Variants in TNRC6B observed in about 807,000 individuals in gnomAD.
TNRC6B encodes the protein trinucleotide repeat-containing gene 6B protein.
In TNRC6B, 52 loss-of-function variants were observed where a neutral mutation model predicts 203.6. The ratio of observed to expected loss-of-function variants is 0.26; its 90% CI spans 0.20 to 0.32. The LOEUF is 0.32. Among genes scored for constraint, TNRC6B ranks in the 10% least tolerant of loss-of-function variants. The probability of loss-of-function intolerance (pLI) is 1.00; values close to 1 mark genes in which losing one functional copy is unlikely to be tolerated. For synonymous variants in TNRC6B, 838 were observed against 845.7 expected (o/e 0.99, Z 0.16); for missense variants, 1,923 against 2,286.2 (o/e 0.84, Z 3.24).
intron 1 of TNRC6B, among the ~76,000 whole-genome samples, chr22:40,108,344 C>G (rs1010268416): frequency 4.6e-5 from 7 of 152,216 alleles, no homozygotes; most frequent in Admixed American, 4.6e-4. Context: ...CTCTGAGATT[C>G]ACCACGGAGG....
intron 1 of TNRC6B, among the ~76,000 whole-genome samples, chr22:40,209,391 A>G (rs1393598197): frequency 6.6e-6 from 1 of 152,144 alleles, no homozygotes; most frequent in Non-Finnish European, 1.5e-5. Flanking sequence ...AAAGGCCCAA[A>G]CCTTTATCTC....
intron 1 of TNRC6B, among the ~76,000 whole-genome samples, chr22:40,083,799 A>T (rs575131854): frequency 6.6e-6 from 1 of 152,174 alleles, no homozygotes; most frequent in Admixed American, 6.5e-5. Flanking sequence ...AGGTTTATAC[A>T]ACTGGTCGTG....
At chr22:40,076,546 A>G (rs966478263) in intron 1 of TNRC6B, among the ~76,000 whole-genome samples, 1 of 152,076 alleles carries the variant, frequency 6.6e-6, no homozygotes, top group African/African-American at 2.4e-5. Flanking sequence ...TTTCTGTTGT[A>G]TTGTTAAAGA....
chr22:40,255,507 G>A (rs993266863), intron 3 of TNRC6B, among the ~76,000 whole-genome samples: 1 of 152,210 alleles, frequency 6.6e-6, no homozygotes, highest in Non-Finnish European at 1.5e-5. Context: ...CTCACACCTT[G>A]TAGAAACACT....
chr22:40,101,712 C>G (rs1295121393), intron 1 of TNRC6B, among the ~76,000 whole-genome samples: 1 of 152,162 alleles, frequency 6.6e-6, no homozygotes, highest in Non-Finnish European at 1.5e-5. Context: ...GGACAGGAAG[C>G]AAAGAGGCAT....
chr22:40,128,422 G>A (rs1601829090), intron 3 of TNRC6B, among the ~76,000 whole-genome samples: 1 of 152,106 alleles, frequency 6.6e-6, no homozygotes, highest in East Asian at 1.9e-4. Flanking sequence ...TAGGTTTTGA[G>A]GAAAAGTAGA....
chr22:40,160,476 CA>C (rs10668307), intron 4 of TNRC6B, among the ~76,000 whole-genome samples: 57 of 127,998 alleles, frequency 4.5e-4, no homozygotes, highest in Non-Finnish European at 4.9e-4. Context: ...AACTCCGTCT[CA>C]AAAAAAAAAA....
chr22:40,103,967 A>T (rs1233704374), intron 1 of TNRC6B, among the ~76,000 whole-genome samples: 1 of 150,196 alleles, frequency 6.7e-6, no homozygotes, highest in Non-Finnish European at 1.5e-5. Context: ...AAAGAAAAAA[A>T]GAAGGCTGGG....
At chr22:40,144,043 C>G (rs917306874) in intron 3 of TNRC6B, among the ~76,000 whole-genome samples, 2 of 152,154 alleles carry the variant, frequency 1.3e-5, no homozygotes, top group Admixed American at 6.5e-5. Context: ...ACCAAAATGA[C>G]TACAGTTCAA....
chr22:40,171,703 C>T (rs1455335796), intron 4 of TNRC6B, among the ~76,000 whole-genome samples: 1 of 152,156 alleles, frequency 6.6e-6, no homozygotes, highest in Non-Finnish European at 1.5e-5. Flanking sequence ...TGACTTTCCA[C>T]TATTCCAAAA....
chr22:40,232,531 G>C (rs1431733663), intron 1 of TNRC6B, among the ~76,000 whole-genome samples: 1 of 152,172 alleles, frequency 6.6e-6, no homozygotes, highest in Non-Finnish European at 1.5e-5. Flanking sequence ...GCTGCACTAA[G>C]TTTGAGTAGG....
chr22:40,237,566 G>A (rs2069964541), intron 1 of TNRC6B, among the ~76,000 whole-genome samples: 1 of 152,164 alleles, frequency 6.6e-6, no homozygotes, highest in Non-Finnish European at 1.5e-5. Context: ...GAAAACCAGA[G>A]AAGGTGTGGG....
At chr22:40,149,436 A>G (rs1437672646) in intron 3 of TNRC6B, among the ~76,000 whole-genome samples, 1 of 152,142 alleles carries the variant, frequency 6.6e-6, no homozygotes, top group African/African-American at 2.4e-5. Context: ...CGGGAGGCCA[A>G]GGCGGGCAAA....
At chr22:40,158,354 A>G (rs2068837215) in intron 4 of TNRC6B, among the ~76,000 whole-genome samples, 1 of 148,792 alleles carries the variant, frequency 6.7e-6, no homozygotes, top group African/African-American at 2.5e-5. Context: ...AAATAAATAA[A>G]TAAATAAATA....
intron 9 of TNRC6B, among the ~76,000 whole-genome samples, chr22:40,279,068 G>A (rs1244065960): frequency 6.6e-6 from 1 of 152,110 alleles, no homozygotes; most frequent in Non-Finnish European, 1.5e-5. Context: ...GAACTAATTC[G>A]GGTCTCTTAA....
At chr22:40,157,514 T>C (rs1193083941) in intron 4 of TNRC6B, among the ~76,000 whole-genome samples, 1 of 152,202 alleles carries the variant, frequency 6.6e-6, no homozygotes, top group Non-Finnish European at 1.5e-5. Flanking sequence ...GAAACCAGGA[T>C]ATTTTCACAG....
intron 1 of TNRC6B, among the ~76,000 whole-genome samples, chr22:40,055,134 G>A (rs2067782217): frequency 6.6e-6 from 1 of 152,200 alleles, no homozygotes; most frequent in South Asian, 2.1e-4. Flanking sequence ...TAGGAGCCAG[G>A]ACTACAGAGG....
Position 40,265,051 on chromosome 22 carries a change from C to T in TNRC6B, c.821C>T (p.Thr274Ile), listed in dbSNP as rs767901308. 2.5e-6 allele frequency: 4 copies of T among 1,613,880 alleles called. No individual in the cohort carries two copies. The South Asian group carries it at 4.4e-5, about 18-fold the overall frequency. Residue 274 changes from threonine (T) to isoleucine (I), a missense_variant, in exon 5 of 23, where the codon ACT (threonine) becomes ATT (isoleucine). By Grantham distance (89) the Thr-to-Ile change is moderately conservative. Transcript: ENST00000454349. ...KAKSVQSSNSTTENNNGLGNW... is the reference protein window; with the variant it reads ...KAKSVQSSNSITENNNGLGNW... Reference sequence around the variant, plus strand: ...AAATCTGTTCAATCTTCCAACTCTACTACAGAGAACAACAATGGACTAGGA... The same window carrying T: ...AAATCTGTTCAATCTTCCAACTCTATTACAGAGAACAACAATGGACTAGGA...
intron 21 of TNRC6B, 95 bp downstream of exon 21, chr22:40,316,107 C>A: frequency 8.4e-7 from 1 of 1,189,166 alleles, no homozygotes; most frequent in South Asian, 1.3e-5. Context: ...GTAATCCAAG[C>A]ACTTTGGGAG....
Sources: gnomAD v4.1 joint callset for allele counts (sites outside exome capture counted in the v4.1 genomes callset) on GRCh38, gnomAD v4.1.1 for gene constraint, MANE v1.5 for transcripts, NCBI Gene and HGNC (gene_info 2026-07-23, HGNC 2026-07-21) for gene names.